The following MAGI2 variants were observed in gnomAD, a reference collection of about 807,000 sequenced individuals.
MAGI2 encodes membrane-associated guanylate kinase, WW and PDZ domain-containing protein 2.
Under a neutral mutation model 133.3 loss-of-function variants are expected in MAGI2, and 35 were observed. The observed-to-expected ratio is 0.26, with a 90% CI of 0.20 to 0.35. The LOEUF is 0.35. Ranked by LOEUF, MAGI2 falls within the 10% of genes least tolerant of loss-of-function variation. The pLI is 1.00. For synonymous variants in MAGI2, 729 were observed against 710.6 expected (o/e 1.03, Z -0.41); for missense variants, 1,636 against 1,863.4 (o/e 0.88, Z 2.25).
At chr7:79,395,917 TGAATATATA>T (rs1377449956) in intron 1 of MAGI2, among the ~76,000 whole-genome samples, 1 of 152,172 alleles carries the variant, frequency 6.6e-6, no homozygotes, top group African/African-American at 2.4e-5. Flanking sequence ...GGCTAAAACA[TGAATATATA>T]GATATTGCTC....
chr7:78,857,536 T>C (rs2151492775), intron 2 of MAGI2, among the ~76,000 whole-genome samples: 1 of 152,322 alleles, frequency 6.6e-6, no homozygotes, highest in East Asian at 1.9e-4. Context: ...TTTGGTTCTG[T>C]TTATATGATG....
intron 1 of MAGI2, among the ~76,000 whole-genome samples, chr7:79,389,303 A>G (rs1049070223): frequency 4.6e-5 from 7 of 152,158 alleles, no homozygotes; most frequent in Admixed American, 2.0e-4. Flanking sequence ...ACGTACGATG[A>G]TAAGTATCAT....
intron 9 of MAGI2, among the ~76,000 whole-genome samples, chr7:78,330,262 T>C (rs1357863005): frequency 6.6e-6 from 1 of 152,212 alleles, no homozygotes; most frequent in Non-Finnish European, 1.5e-5. Context: ...GAAGACTCTA[T>C]GATGATTACA....
chr7:79,191,060 T>A (rs1827613923), intron 1 of MAGI2, among the ~76,000 whole-genome samples: 1 of 151,874 alleles, frequency 6.6e-6, no homozygotes, highest in Admixed American at 6.6e-5. Flanking sequence ...TGCACTACTC[T>A]GTTTTGAGTT....
intron 6 of MAGI2, among the ~76,000 whole-genome samples, chr7:78,382,866 C>A (rs1225806933): frequency 1.2e-4 from 18 of 151,966 alleles, no homozygotes; most frequent in Non-Finnish European, 2.5e-4. Context: ...TGATATTTGT[C>A]TTTTTGTGCT....
intron 18 of MAGI2, among the ~76,000 whole-genome samples, chr7:78,130,642 C>A (rs1821472789): frequency 1.3e-5 from 2 of 152,180 alleles, no homozygotes; most frequent in Non-Finnish European, 2.9e-5. Context: ...AGCCAGGAAA[C>A]CCGAGTGGCA....
chr7:78,555,199 TGGATAGATAGATAGATAGATAGAC>T (rs1799702859), intron 3 of MAGI2, among the ~76,000 whole-genome samples: 4 of 111,940 alleles, frequency 3.6e-5, no homozygotes, highest in Non-Finnish European at 5.7e-5. Context: ...GTTGGATGGA[TGGATAGATAGATAGATAGATAGAC>T]AGATAGATAG....
At chr7:78,217,129 C>G (rs1036753747) in intron 10 of MAGI2, among the ~76,000 whole-genome samples, 1 of 152,180 alleles carries the variant, frequency 6.6e-6, no homozygotes, top group African/African-American at 2.4e-5. Context: ...TCTGGAATGG[C>G]CCTATGTCAA....
At chr7:79,068,450 A>AT (rs1814602034) in intron 1 of MAGI2, among the ~76,000 whole-genome samples, 1 of 151,984 alleles carries the variant, frequency 6.6e-6, no homozygotes, top group African/African-American at 2.4e-5. Flanking sequence ...CCCCTTTACC[A>AT]TTTTTTATTG....
In MAGI2 at chr7:79,405,571, A is replaced by G. The variant is rs1317985170; in HGVS notation, c.301+47449T>C. On this transcript the variant is annotated intron_variant, in intron 1 of 21. Transcript: ENST00000354212. ...CTGTTTACTCTACAGTCCATTGCAC[A>G]TTTTCCTCCATGCCCCAAGAGTGCT... 2.6e-5 allele frequency among the ~76,000 whole-genome samples: 4 copies of G among 152,170 alleles called. No individual in the cohort carries two copies. In the South Asian group the frequency reaches 8.3e-4, roughly 32 times the overall value.
chr7:78,403,636 T>G (rs1182327171), intron 6 of MAGI2, among the ~76,000 whole-genome samples: 1 of 152,128 alleles, frequency 6.6e-6, no homozygotes, highest in East Asian at 1.9e-4. Context: ...AGTGTTCCTA[T>G]TTCTCCACAT....
Position 78,783,012 on chromosome 7 carries a change from CTTTT to C in MAGI2, c.419-155777_419-155774del, listed in dbSNP as rs11432048. Among the ~76,000 whole-genome samples, 25 of 96,196 alleles carry C rather than the reference CTTTT, an allele frequency of 2.6e-4. No individual in the cohort carries two copies. In the East Asian group the frequency reaches 6.2e-3, roughly 24 times the overall value. 63.1% of individuals were successfully genotyped at this position (96,196 alleles called of 152,430 possible). On this transcript the variant is annotated intron_variant, in intron 2 of 21. Transcript: ENST00000354212. Reference sequence around the variant, plus strand: ...GACAATACTTGAAAATGATTCTTACCTTTTTTTTTTTTTTTTTTTTTTTTACATT... The same window carrying C: ...GACAATACTTGAAAATGATTCTTACCTTTTTTTTTTTTTTTTTTTTACATT...
At chr7:79,124,109 C>A (rs890947781) in intron 1 of MAGI2, among the ~76,000 whole-genome samples, 1 of 152,098 alleles carries the variant, frequency 6.6e-6, no homozygotes, top group African/African-American at 2.4e-5. Flanking sequence ...TGATTTAACA[C>A]CTTCATTTCT....
intron 1 of MAGI2, among the ~76,000 whole-genome samples, chr7:79,040,285 T>A (rs1584764288): frequency 6.6e-6 from 1 of 152,102 alleles, no homozygotes; most frequent in African/African-American, 2.4e-5. Flanking sequence ...TGACTGTGTT[T>A]CCGGAGGCCT....
intron 1 of MAGI2, among the ~76,000 whole-genome samples, chr7:79,144,885 T>G (rs1562937703): frequency 6.6e-6 from 1 of 152,198 alleles, no homozygotes; most frequent in Non-Finnish European, 1.5e-5. Context: ...TCCTATTTGT[T>G]TCTGTGAATA....
chr7:78,879,240 G>C (rs1563615198), intron 2 of MAGI2, among the ~76,000 whole-genome samples: 1 of 152,170 alleles, frequency 6.6e-6, no homozygotes, highest in Non-Finnish European at 1.5e-5. Context: ...ACCCATACTG[G>C]TGCCCCACAA....
intron 7 of MAGI2, among the ~76,000 whole-genome samples, chr7:78,360,497 G>A (rs1042769918): frequency 2.6e-5 from 4 of 152,226 alleles, no homozygotes; most frequent in African/African-American, 9.6e-5. Flanking sequence ...GAGACAATCT[G>A]CAGTTCACGC....
intron 1 of MAGI2, among the ~76,000 whole-genome samples, chr7:79,020,163 G>T (rs1018619185): frequency 1.9e-4 from 29 of 152,156 alleles, no homozygotes; most frequent in African/African-American, 7.0e-4. Flanking sequence ...CTCTTGCTAT[G>T]CTCCAGCAAA....
At chr7:78,438,266 A>G (rs112113190) in intron 6 of MAGI2, among the ~76,000 whole-genome samples, 5,758 of 88,048 alleles carry the variant, frequency 0.065, 161 homozygotes, top group Middle Eastern at 0.11. Context: ...AACCCATGTC[A>G]TAAGTACAAA....
Sources: gnomAD v4.1 joint callset for allele counts (sites outside exome capture counted in the v4.1 genomes callset) on GRCh38, gnomAD v4.1.1 for gene constraint, MANE v1.5 for transcripts, NCBI Gene and HGNC (gene_info 2026-07-23, HGNC 2026-07-21) for gene names.